The following LINGO2 variants were observed in gnomAD, a reference collection of about 807,000 sequenced individuals.
LINGO2 encodes leucine rich repeat and Ig domain containing 2.
A neutral mutation model predicts 30.6 loss-of-function variants in LINGO2; 14 were observed. The ratio of observed to expected loss-of-function variants is 0.46; its 90% CI spans 0.30 to 0.72. LINGO2 has a LOEUF of 0.72. Ranked by LOEUF, LINGO2 falls within the 30% of genes least tolerant of loss-of-function variation. LINGO2 has a pLI of 0.07. For missense variants in LINGO2, 729 were observed against 751.7 expected (o/e 0.97, Z 0.35); for synonymous variants, 317 against 288.5 (o/e 1.10, Z -1.00).
the LINGO2 span, among the ~76,000 whole-genome samples, chr9:29,205,243 T>C: frequency 6.6e-6 from 1 of 152,146 alleles, no homozygotes; most frequent in African/African-American, 2.4e-5. Context: ...GGTTTCACCA[T>C]GTTGCCAGGA....
the LINGO2 span, among the ~76,000 whole-genome samples, chr9:28,952,292 T>C: frequency 6.6e-6 from 1 of 152,188 alleles, no homozygotes; most frequent in Non-Finnish European, 1.5e-5. Context: ...GTATGTGTTT[T>C]GGCAACACAA....
the LINGO2 span, among the ~76,000 whole-genome samples, chr9:28,939,168 G>A: frequency 2.0e-5 from 1 of 49,226 alleles, no homozygotes; most frequent in Non-Finnish European, 5.0e-5. Flanking sequence ...TCTGCAGTTC[G>A]AAGGCTACTT....
chr9:28,847,908 T>C, the LINGO2 span, among the ~76,000 whole-genome samples: 7 of 114,538 alleles, frequency 6.1e-5, 1 homozygote, highest in Non-Finnish European at 1.1e-4. Context: ...AGTATATATA[T>C]ACACACATAT....
chr9:28,102,289 A>G (rs919547216), intron 4 of LINGO2, among the ~76,000 whole-genome samples: 11 of 152,128 alleles, frequency 7.2e-5, no homozygotes, highest in Non-Finnish European at 1.5e-4. Flanking sequence ...GTGGGAAACT[A>G]GTAACTTGGA....
At chr9:28,702,609 G>A in the LINGO2 span, among the ~76,000 whole-genome samples, 1 of 151,778 alleles carries the variant, frequency 6.6e-6, no homozygotes, top group South Asian at 2.1e-4. Context: ...TCTTGTAATG[G>A]TCTTTGCCTG....
chr9:28,433,966 T>TATATATATATAC (rs752778212), intron 2 of LINGO2, among the ~76,000 whole-genome samples: 1,840 of 99,016 alleles, frequency 0.019, 120 homozygotes, highest in Non-Finnish European at 0.032. Context: ...TATATATATA[T>TATATATATATAC]ACACACACAC....
intron 5 of LINGO2, among the ~76,000 whole-genome samples, chr9:28,009,874 T>C (rs539040484): frequency 1.3e-5 from 2 of 152,316 alleles, no homozygotes; most frequent in African/African-American, 2.4e-5. Flanking sequence ...CCTGGGTACA[T>C]ACTCAAGAGA....
the LINGO2 span, among the ~76,000 whole-genome samples, chr9:28,810,117 T>C: frequency 0.032 from 4,414 of 137,454 alleles, 219 homozygotes; most frequent in African/African-American, 0.11. Flanking sequence ...ATGTTCATCA[T>C]TATCTCCATG....
At chr9:28,817,366 T>C in the LINGO2 span, among the ~76,000 whole-genome samples, 2 of 152,192 alleles carry the variant, frequency 1.3e-5, no homozygotes, top group Non-Finnish European at 2.9e-5. Flanking sequence ...TACTGAACCA[T>C]TTCACATAAT....
chr9:28,454,294 G>C (rs961239990), intron 2 of LINGO2, among the ~76,000 whole-genome samples: 1 of 151,874 alleles, frequency 6.6e-6, no homozygotes, highest in African/African-American at 2.4e-5. Flanking sequence ...TGCTAAAATT[G>C]TTTTTCAACT....
At chr9:28,522,370 G>A (rs555282867) in intron 1 of LINGO2, among the ~76,000 whole-genome samples, 3 of 152,216 alleles carry the variant, frequency 2.0e-5, no homozygotes, top group African/African-American at 7.2e-5. Context: ...ATAAAGAGTA[G>A]AAGTTCTATT....
chr9:28,290,327 C>G (rs954167871), intron 4 of LINGO2, among the ~76,000 whole-genome samples: 1 of 152,140 alleles, frequency 6.6e-6, no homozygotes, highest in Non-Finnish European at 1.5e-5. Flanking sequence ...GAGGAAAGTG[C>G]CCTACCCATA....
chr9:28,033,865 T>C (rs1180601681), intron 4 of LINGO2, among the ~76,000 whole-genome samples: 2 of 152,218 alleles, frequency 1.3e-5, no homozygotes, highest in East Asian at 3.8e-4. Flanking sequence ...AGGACATTTG[T>C]TCAGTCAACA....
chr9:28,228,325 A>G lies in LINGO2; in HGVS notation c.-87+66883T>C, dbSNP rs538327029. 7.2e-5 allele frequency among the ~76,000 whole-genome samples: 11 copies of G among 152,096 alleles called. No homozygotes were observed. The South Asian group carries it at 2.3e-3, about 32-fold the overall frequency. On this transcript the variant is annotated intron_variant, in intron 4 of 5. Coordinates refer to ENST00000379992, the Ensembl canonical transcript of LINGO2. ...TGTTAGAGAGATCAACATTTTACCC[A>G]GCTAACTTTCTATATAGCTTCTACC...
intron 1 of LINGO2, among the ~76,000 whole-genome samples, chr9:28,576,174 G>T (rs1278634505): frequency 6.6e-6 from 1 of 152,178 alleles, no homozygotes; most frequent in East Asian, 1.9e-4. Context: ...TGGCAACACT[G>T]TACGCTCATA....
At chr9:28,093,383 G>T (rs1048856680) in intron 4 of LINGO2, among the ~76,000 whole-genome samples, 1 of 151,992 alleles carries the variant, frequency 6.6e-6, no homozygotes, top group African/African-American at 2.4e-5. Context: ...TGGGCACTTG[G>T]GTGAGGCAGA....
intron 4 of LINGO2, among the ~76,000 whole-genome samples, chr9:28,293,961 G>A (rs770704369): frequency 1.3e-5 from 2 of 152,134 alleles, no homozygotes; most frequent in East Asian, 1.9e-4. Context: ...TTCTAAATGT[G>A]AGTAATCCAC....
chr9:28,414,328 T>G lies in LINGO2; in HGVS notation c.-278-41460A>C, dbSNP rs193247655. 4.1e-3 allele frequency among the ~76,000 whole-genome samples: 630 copies of G among 152,252 alleles called. 5 individuals carry two copies. The highest frequency in any genetic ancestry group is 0.014 in the African/African-American group (598 of 41,574). On this transcript the variant is annotated intron_variant, in intron 2 of 5. Transcript: ENST00000379992. The stretch of plus-strand genomic sequence containing the variant: ...GGTAGAAATCCATACACAAGGCTAT[T>G]GATGAGCTGAGAAAGTACATATATG...
chr9:28,923,036 G>C, the LINGO2 span, among the ~76,000 whole-genome samples: 1 of 152,168 alleles, frequency 6.6e-6, no homozygotes, highest in East Asian at 1.9e-4. Flanking sequence ...AAAAGCGAGA[G>C]AGTCAGCAGC....
Sources: gnomAD v4.1 joint callset for allele counts (sites outside exome capture counted in the v4.1 genomes callset) on GRCh38, gnomAD v4.1.1 for gene constraint, MANE v1.5 for transcripts, NCBI Gene and HGNC (gene_info 2026-07-23, HGNC 2026-07-21) for gene names.